Variants in PPM1K observed in about 807,000 individuals in gnomAD.
The protein encoded by PPM1K is protein phosphatase Mn(2+)-dependent 1K.
Under a neutral mutation model 32.6 loss-of-function variants are expected in PPM1K, and 19 were observed. The observed-to-expected ratio is 0.58, with a 90% CI of 0.41 to 0.86. PPM1K has a LOEUF of 0.86. PPM1K is among the 40% of genes least tolerant of loss of function. PPM1K has a pLI of 0.00. For missense variants in PPM1K, 362 were observed against 461.2 expected (o/e 0.78, Z 1.97); for synonymous variants, 159 against 165.3 (o/e 0.96, Z 0.29).
intron 5 of PPM1K, among the ~76,000 whole-genome samples, chr4:88,267,825 C>T (rs1203076256): frequency 2.0e-5 from 3 of 152,226 alleles, no homozygotes; most frequent in Non-Finnish European, 4.4e-5. Flanking sequence ...AGCAAAGCCC[C>T]TAAGCCACTG....
intron 5 of PPM1K, among the ~76,000 whole-genome samples, chr4:88,266,361 C>A (rs1731302885): frequency 6.6e-6 from 1 of 152,142 alleles, no homozygotes; most frequent in South Asian, 2.1e-4. Flanking sequence ...GAAGTTGGGG[C>A]AGCTTCCAAG....
intron 3 of PPM1K, among the ~76,000 whole-genome samples, chr4:88,272,311 T>C (rs965515537): frequency 6.6e-6 from 1 of 152,180 alleles, no homozygotes; most frequent in African/African-American, 2.4e-5. Context: ...GGTTCTTTTG[T>C]AGTTTAATTC....
At chr4:88,277,112 A>C in intron 3 of PPM1K, 31 bp downstream of exon 3, 183 of 1,436,580 alleles carry the variant, frequency 1.3e-4, no homozygotes, top group Non-Finnish European at 1.6e-4. Context: ...TGTACTCCCT[A>C]GGATCCAAGG....
chr4:88,276,439 G>A lies in PPM1K; in HGVS notation c.541+704C>T, dbSNP rs115306696. Reference sequence around the variant, plus strand: ...ATTTGGGACTAGCTAACTAGAAAACGTTTGCTGAATTTTCGTGAAATGGTT... The same window carrying A: ...ATTTGGGACTAGCTAACTAGAAAACATTTGCTGAATTTTCGTGAAATGGTT... On this transcript the variant is annotated intron_variant, in intron 3 of 6. Coordinates refer to ENST00000608933, the MANE Select transcript of PPM1K (RefSeq NM_152542.5). 583 of 985,264 alleles carry A rather than the reference G, an allele frequency of 5.9e-4. 2 individuals carry two copies. In the African/African-American group the frequency reaches 9.3e-3, roughly 16 times the overall value. 61.0% of individuals were successfully genotyped at this position (985,264 alleles called of 1,614,324 possible).
At chr4:88,273,604 C>T (rs1220847131) in intron 3 of PPM1K, among the ~76,000 whole-genome samples, 1 of 151,616 alleles carries the variant, frequency 6.6e-6, no homozygotes, top group Non-Finnish European at 1.5e-5. Context: ...TCACTTGAAC[C>T]TGGGAGGTGG....
At chr4:88,279,546 A>G (rs1224433638) in intron 1 of PPM1K, 1 of 151,074 alleles carries the variant, frequency 6.6e-6, no homozygotes, top group African/African-American at 2.4e-5. Context: ...CCTTTCCCCA[A>G]CCCTAACAAC....
intron 3 of PPM1K, chr4:88,276,908 T>C: frequency 1.2e-6 from 1 of 835,124 alleles, no homozygotes; most frequent in Non-Finnish European, 1.6e-6. Flanking sequence ...GTTTCGGGGC[T>C]TCTCTTTCTG....
In PPM1K at chr4:88,259,278, A is replaced by AG. The variant is rs1279733744; in HGVS notation, c.*3316_*3317insC. 2 of 151,954 alleles carry AG rather than the reference A, an allele frequency of 1.3e-5. No individual in the cohort carries two copies. Among genetic ancestry groups the AG allele is most frequent in the Non-Finnish European group, 2.9e-5 (2 of 68,026 alleles). The allele number at this position is 151,954 out of a possible 1,614,324, so 9.4% of individuals were successfully genotyped here. ...GAGACTCCATCTCAAAAAAAAAAAAAAAGAAATACAAAATCTGTAACAAAC... is the reference window on the plus strand; with the variant it reads ...GAGACTCCATCTCAAAAAAAAAAAAAGAAGAAATACAAAATCTGTAACAAAC... On this transcript the variant is annotated 3_prime_UTR_variant, in exon 7 of 7. Coordinates refer to ENST00000608933, the MANE Select transcript of PPM1K (RefSeq NM_152542.5).
intron 3 of PPM1K, among the ~76,000 whole-genome samples, chr4:88,270,207 T>G (rs1340051057): frequency 6.6e-6 from 1 of 152,160 alleles, no homozygotes; most frequent in Non-Finnish European, 1.5e-5. Context: ...GAAGGAGATA[T>G]ATACATAAAT....
Position 88,259,642 on chromosome 4 carries a change from A to C in PPM1K, c.*2953T>G, listed in dbSNP as rs1230733840. 2.0e-5 allele frequency: 3 copies of C among 152,156 alleles called. No individual in the cohort carries two copies. The highest frequency in any genetic ancestry group is 4.4e-5 in the Non-Finnish European group (3 of 68,038). The allele number at this position is 152,156 out of a possible 1,614,324, so 9.4% of individuals were successfully genotyped here. A position where few individuals can be genotyped will look rare whatever the true frequency, so the allele number is the denominator to read the frequency against. On this transcript the variant is annotated 3_prime_UTR_variant, in exon 7 of 7. Transcript: ENST00000608933. ...ATACATGCATACTTATCTTTTATAG[A>C]TTATAATAATCTACATTTAAAATTC... is the stretch of plus-strand genomic sequence containing the variant.
chr4:88,267,210 G>C (rs1352799836), intron 5 of PPM1K, among the ~76,000 whole-genome samples: 1 of 150,986 alleles, frequency 6.6e-6, no homozygotes, highest in Non-Finnish European at 1.5e-5. Flanking sequence ...TTGGGTGCAG[G>C]TGATGCTGGC....
At chr4:88,274,351 G>GA (rs1295445470) in intron 3 of PPM1K, among the ~76,000 whole-genome samples, 4 of 152,130 alleles carry the variant, frequency 2.6e-5, no homozygotes, top group African/African-American at 9.7e-5. Flanking sequence ...GATAATCAAA[G>GA]AAAAAATTAC....
chr4:88,263,599 C>T (rs1167134732), intron 6 of PPM1K, among the ~76,000 whole-genome samples: 2 of 152,092 alleles, frequency 1.3e-5, no homozygotes, highest in Admixed American at 1.3e-4. Flanking sequence ...CCACCATGCC[C>T]AGCTAAGTAA....
intron 3 of PPM1K, among the ~76,000 whole-genome samples, chr4:88,273,567 G>C (rs1731645762): frequency 6.6e-6 from 1 of 152,034 alleles, no homozygotes; most frequent in Non-Finnish European, 1.5e-5. Context: ...TATAATCCCA[G>C]GTACTTGGGA....
intron 1 of PPM1K, among the ~76,000 whole-genome samples, chr4:88,282,204 T>C (rs1422717667): frequency 2.0e-5 from 3 of 152,156 alleles, no homozygotes; most frequent in African/African-American, 7.2e-5. Flanking sequence ...TTATATTCAA[T>C]CTTTGGAAGT....
chr4:88,265,271 T>C lies in PPM1K; in HGVS notation c.853-136A>G, dbSNP rs1358948366. ...TGTAAGCTGATATGGTTTGGCTGTG[T>C]CCCCACCCAAATCTCATATTGAATT... On this transcript the variant is annotated intron_variant, in intron 5 of 6. Coordinates refer to ENST00000608933, the MANE Select transcript of PPM1K (RefSeq NM_152542.5). The C allele has an allele frequency of 1.1e-5, 10 of 939,988 alleles. No individual in the cohort carries two copies. In the East Asian group the frequency reaches 1.7e-4, roughly 16 times the overall value. 58.2% of individuals were successfully genotyped at this position (939,988 alleles called of 1,614,324 possible).
intron 3 of PPM1K, among the ~76,000 whole-genome samples, chr4:88,272,915 T>C (rs752701651): frequency 3.3e-5 from 5 of 152,230 alleles, no homozygotes; most frequent in Non-Finnish European, 7.3e-5. Context: ...ACATGCTGCG[T>C]CTGTGGTTGG....
intron 1 of PPM1K, chr4:88,283,742 C>T (rs1732114106): frequency 6.6e-6 from 1 of 152,500 alleles, no homozygotes; most frequent in African/African-American, 2.4e-5. Flanking sequence ...GGCTGTGCAT[C>T]CTTCACGATG....
rs371035911 is a variant in PPM1K at position 88,278,196 on chromosome 4, C to T, written c.388G>A (p.Gly130Ser). Residue 130 changes from glycine (G) to serine (S), a missense_variant, in exon 2 of 7, where the codon GGT becomes AGT. By Grantham distance (56) the Gly-to-Ser change is moderately conservative (BLOSUM62 0). Coordinates refer to ENST00000608933, the MANE Select transcript of PPM1K (RefSeq NM_152542.5). This position sits in a 1 kb window ranked among gnomAD's most constrained non-coding sequence, Gnocchi z 4.2. ...CAGAAATCAGCTGCTGCAGGTCCAC[C>T]GTGTCCATCATACACTGCAAAGTAC... Reference protein sequence around the residue: ...VLYFAVYDGHGGPAAADFCHT... With the variant: ...VLYFAVYDGHSGPAAADFCHT... 132 of 1,614,042 alleles carry T rather than the reference C, an allele frequency of 8.2e-5. 1 individual carries two copies. The Middle Eastern group carries it at 1.2e-3, about 14-fold the overall frequency.
Sources: allele counts gnomAD v4.1 joint callset (sites outside exome capture counted in the v4.1 genomes callset), GRCh38; gene constraint gnomAD v4.1.1; non-coding constraint Gnocchi (gnomAD v3.1); transcripts MANE v1.5; gene names NCBI Gene and HGNC (gene_info 2026-07-23, HGNC 2026-07-21).